GRIK1: variants seen among roughly 807,000 people sequenced by gnomAD.
GRIK1 encodes glutamate receptor ionotropic, kainate 1.
A neutral mutation model predicts 105.7 loss-of-function variants in GRIK1; 69 were observed. That is an observed-to-expected ratio of 0.65 (90% CI 0.54 to 0.80). GRIK1 has a LOEUF of 0.80. GRIK1 is among the 30% of genes least tolerant of loss of function. The pLI is 0.00. For synonymous variants in GRIK1, 438 were observed against 431.3 expected (o/e 1.02, Z -0.19); for missense variants, 1,109 against 1,167.3 (o/e 0.95, Z 0.73).
At chr21:29,759,260 G>A (rs553740434) in intron 1 of GRIK1, among the ~76,000 whole-genome samples, 8 of 151,976 alleles carry the variant, frequency 5.3e-5, no homozygotes, top group African/African-American at 1.9e-4. Context: ...TGGGACTACA[G>A]GCACCCGCCA....
At chr21:29,620,779 ATAGATATATATATC>A (rs1320540110) in intron 7 of GRIK1, among the ~76,000 whole-genome samples, 1 of 117,040 alleles carries the variant, frequency 8.5e-6, no homozygotes, top group African/African-American at 4.3e-5. Flanking sequence ...TCATATATAT[ATAGATATATATATC>A]TATATATATA....
intron 1 of GRIK1, among the ~76,000 whole-genome samples, chr21:29,767,133 G>C (rs1029237711): frequency 1.3e-5 from 2 of 152,158 alleles, no homozygotes; most frequent in Non-Finnish European, 2.9e-5. Flanking sequence ...GTAGAATGGT[G>C]CCCATGGAAA....
intron 16 of GRIK1, chr21:29,553,314 A>G (rs1210315796): frequency 9.0e-7 from 1 of 1,115,564 alleles, no homozygotes; most frequent in Admixed American, 4.9e-5. Flanking sequence ...AGTGGGACAG[A>G]GAAGATTCCT....
rs35503363 is a variant in GRIK1 at position 29,573,853 on chromosome 21, GAAAAAA to G, written c.2130+3105_2130+3110del. Among the ~76,000 whole-genome samples, 1,002 of 114,116 alleles carry G rather than the reference GAAAAAA, an allele frequency of 8.8e-3. 9 individuals carry two copies. Among genetic ancestry groups the G allele is most frequent in the African/African-American group, 0.028 (917 of 32,346 alleles). The allele number at this position is 114,116 out of a possible 152,430, so 74.9% of individuals were successfully genotyped here. On this transcript the variant is annotated intron_variant, in intron 14 of 17. Coordinates refer to ENST00000327783, the MANE Select transcript of GRIK1 (RefSeq NM_001330994.2). The stretch of plus-strand genomic sequence containing the variant: ...GGGCGACAGAGCAAGACTCCGTCTG[GAAAAAA>G]AAAAAAAAAAAAAGTGACACTTTGT...
chr21:29,785,725 G>A (rs186005954), intron 1 of GRIK1, among the ~76,000 whole-genome samples: 8 of 152,262 alleles, frequency 5.3e-5, no homozygotes, highest in Admixed American at 1.3e-4. Context: ...TGTAGCGAAT[G>A]AACAGAAACT....
At chr21:29,871,134 A>G (rs1569177774) in intron 1 of GRIK1, among the ~76,000 whole-genome samples, 1 of 152,024 alleles carries the variant, frequency 6.6e-6, no homozygotes, top group African/African-American at 2.4e-5. Flanking sequence ...CCACATGTCC[A>G]CCTGACTTGC....
At chr21:29,747,613 G>A (rs112784974) in intron 1 of GRIK1, among the ~76,000 whole-genome samples, 3,126 of 152,222 alleles carry the variant, frequency 0.021, 114 homozygotes, top group African/African-American at 0.072. Context: ...GGTGGATCAC[G>A]AGGTCAGGAG....
intron 1 of GRIK1, among the ~76,000 whole-genome samples, chr21:29,901,892 A>G (rs2070424288): frequency 6.7e-6 from 1 of 148,666 alleles, no homozygotes; most frequent in Admixed American, 6.7e-5. Flanking sequence ...CGATGCAAAA[A>G]TCCTCAATAA....
At chr21:29,753,868 T>C (rs1469693054) in intron 1 of GRIK1, among the ~76,000 whole-genome samples, 2 of 152,110 alleles carry the variant, frequency 1.3e-5, no homozygotes, top group East Asian at 3.8e-4. Flanking sequence ...GTATAATATA[T>C]ATATAATATA....
chr21:29,865,453 G>C, intron 1 of GRIK1, among the ~76,000 whole-genome samples: 1 of 151,944 alleles, frequency 6.6e-6, no homozygotes, highest in Non-Finnish European at 1.5e-5. Context: ...TAAAATTCTG[G>C]GCTTCAACTT....
intron 7 of GRIK1, among the ~76,000 whole-genome samples, chr21:29,605,716 T>A (rs1040905412): frequency 6.6e-6 from 1 of 152,176 alleles, no homozygotes; most frequent in South Asian, 2.1e-4. Context: ...CTCGGCAACC[T>A]CGCCAGCATC....
chr21:29,891,464 G>A (rs1373944038), intron 1 of GRIK1, among the ~76,000 whole-genome samples: 2 of 152,166 alleles, frequency 1.3e-5, no homozygotes, highest in African/African-American at 4.8e-5. Context: ...CGTGCATAAT[G>A]CATTCTACAT....
At chr21:29,933,133 T>A (rs904216466) in intron 1 of GRIK1, among the ~76,000 whole-genome samples, 3 of 152,190 alleles carry the variant, frequency 2.0e-5, no homozygotes, top group African/African-American at 7.2e-5. Context: ...TGTTTTTTTT[T>A]ATTAATTTGT....
intron 1 of GRIK1, among the ~76,000 whole-genome samples, chr21:29,790,238 G>A (rs543835901): frequency 2.2e-4 from 33 of 152,062 alleles, no homozygotes; most frequent in Non-Finnish European, 1.6e-4. Context: ...TGGTAGAGAC[G>A]GGGTTTCACC....
intron 1 of GRIK1, among the ~76,000 whole-genome samples, chr21:29,745,485 A>T (rs2065027601): frequency 1.3e-5 from 2 of 152,228 alleles, no homozygotes; most frequent in South Asian, 4.1e-4. Flanking sequence ...GGTAACTGAT[A>T]GATAACTTAG....
chr21:29,874,623 A>C (rs1388784331), intron 1 of GRIK1, among the ~76,000 whole-genome samples: 2 of 152,078 alleles, frequency 1.3e-5, no homozygotes, highest in African/African-American at 4.8e-5. Context: ...AGGGGTTGGG[A>C]CCCCTGTTTT....
intron 7 of GRIK1, among the ~76,000 whole-genome samples, chr21:29,607,090 T>A (rs1042583236): frequency 6.6e-6 from 1 of 152,164 alleles, no homozygotes. Context: ...GTGTATCTGA[T>A]CTGCATGTGG....
intron 1 of GRIK1, among the ~76,000 whole-genome samples, chr21:29,891,273 A>G (rs555214954): frequency 6.6e-6 from 1 of 152,198 alleles, no homozygotes; most frequent in Non-Finnish European, 1.5e-5. Flanking sequence ...CAGGAATCCG[A>G]TCATTCAGTA....
rs779159034 is a variant in GRIK1 at position 29,555,190 on chromosome 21, G to A, written c.2469C>T (p.Asp823=). The A allele has an allele frequency of 2.5e-5, 40 of 1,613,822 alleles. No individual in the cohort carries two copies. Among genetic ancestry groups the A allele is most frequent in the Middle Eastern group, 3.3e-4 (2 of 6,082 alleles). ...WWRGNGCPEE[D]NKEASALGVE... ...CTCCCAGGGCACTGGCTTCTTTGTT[G>A]TCTTCCTCGGGGCAGCCATTCCCAC... The change falls in exon 16 of 18, where the codon GAC becomes GAT. Residue 823 remains aspartate, a synonymous_variant. Coordinates refer to ENST00000327783, the MANE Select transcript of GRIK1 (RefSeq NM_001330994.2).
Sources: gnomAD v4.1 joint callset for allele counts (sites outside exome capture counted in the v4.1 genomes callset) on GRCh38, gnomAD v4.1.1 for gene constraint, MANE v1.5 for transcripts, NCBI Gene and HGNC (gene_info 2026-07-23, HGNC 2026-07-21) for gene names.